The following CTNNA2 variants were observed in gnomAD, a reference collection of about 807,000 sequenced individuals.
The protein encoded by CTNNA2 is catenin alpha 2.
In CTNNA2, 42 loss-of-function variants were observed where a neutral mutation model predicts 101.0. The observed-to-expected ratio is 0.42, with a 90% CI of 0.32 to 0.54. The LOEUF (loss-of-function observed/expected upper bound fraction) is 0.54, where lower values mean the gene tolerates loss of function less well. Ranked by LOEUF, CTNNA2 falls within the 20% of genes least tolerant of loss-of-function variation. CTNNA2 has a pLI of 0.14. For synonymous variants in CTNNA2, 450 were observed against 456.4 expected (o/e 0.99, Z 0.18); for missense variants, 871 against 1,223.1 (o/e 0.71, Z 4.29).
rs563202631 is a variant in CTNNA2 at position 79,749,465 on chromosome 2, C to T, written c.298+4883C>T. ...TCTAGTTTGGTGTGTGTGTTTCTCC[C>T]TTCCTATCTGTTCACTTATGACTAA... On this transcript the variant is annotated intron_variant, in intron 3 of 18. Transcript: ENST00000402739. 4.6e-5 allele frequency among the ~76,000 whole-genome samples: 7 copies of T among 152,198 alleles called. No individual in the cohort carries two copies. The East Asian group carries it at 1.4e-3, about 29-fold the overall frequency.
chr2:80,165,319 G>T (rs1704607951), intron 7 of CTNNA2, among the ~76,000 whole-genome samples: 1 of 147,832 alleles, frequency 6.8e-6, no homozygotes, highest in Admixed American at 6.8e-5. Context: ...TAATTTTCCA[G>T]TTCACCAATT....
At chr2:79,532,635 G>A (rs1408053693) in intron 1 of CTNNA2, among the ~76,000 whole-genome samples, 3 of 151,748 alleles carry the variant, frequency 2.0e-5, no homozygotes, top group Non-Finnish European at 4.4e-5. Context: ...GACATATTTT[G>A]GAACATCCAA....
chr2:80,012,611 T>C (rs1693868896), intron 7 of CTNNA2, among the ~76,000 whole-genome samples: 1 of 152,224 alleles, frequency 6.6e-6, no homozygotes, highest in African/African-American at 2.4e-5. Context: ...ATAGATAATA[T>C]GCAAATGAAT....
intron 4 of CTNNA2, among the ~76,000 whole-genome samples, chr2:79,399,456 A>G (rs1573147220): frequency 6.6e-6 from 1 of 152,246 alleles, no homozygotes; most frequent in Non-Finnish European, 1.5e-5. Context: ...AATGTACCCA[A>G]CACATATTGG....
At chr2:79,945,192 A>G (rs1424830739) in intron 7 of CTNNA2, among the ~76,000 whole-genome samples, 2 of 151,936 alleles carry the variant, frequency 1.3e-5, no homozygotes, top group African/African-American at 4.8e-5. Context: ...ACAGGCATGC[A>G]CCACCACACC....
chr2:79,899,889 G>A (rs1236429706), intron 6 of CTNNA2, among the ~76,000 whole-genome samples: 1 of 152,094 alleles, frequency 6.6e-6, no homozygotes, highest in Admixed American at 6.5e-5. Context: ...ATTACGTCAA[G>A]AGAAACTTTT....
At chr2:80,146,766 C>T (rs1379762639) in intron 7 of CTNNA2, among the ~76,000 whole-genome samples, 1 of 116,982 alleles carries the variant, frequency 8.5e-6, no homozygotes, top group Non-Finnish European at 1.7e-5. Context: ...CCTCTGTCAC[C>T]CAGGCTGGAC....
chr2:80,335,881 C>A (rs888497781), intron 7 of CTNNA2, among the ~76,000 whole-genome samples: 2 of 152,006 alleles, frequency 1.3e-5, no homozygotes, highest in Admixed American at 6.6e-5. Context: ...CTGGGGAAAC[C>A]AAGACCCAGA....
At chr2:79,396,160 G>A (rs1201702266) in intron 4 of CTNNA2, among the ~76,000 whole-genome samples, 1 of 151,812 alleles carries the variant, frequency 6.6e-6, no homozygotes, top group African/African-American at 2.4e-5. Flanking sequence ...ATATATAATT[G>A]AATTTTTCTT....
intron 3 of CTNNA2, among the ~76,000 whole-genome samples, chr2:79,785,125 A>G (rs956383320): frequency 2.0e-5 from 3 of 152,116 alleles, no homozygotes; most frequent in Admixed American, 6.6e-5. Context: ...TTCTGCCACC[A>G]TGCTCTCCTC....
At chr2:80,123,950 AC>A (rs1701984847) in intron 7 of CTNNA2, among the ~76,000 whole-genome samples, 1 of 152,140 alleles carries the variant, frequency 6.6e-6, no homozygotes, top group South Asian at 2.1e-4. Flanking sequence ...TTGGGCCCTG[AC>A]CAAGCCCCCA....
At chr2:79,466,924 G>C (rs897006826) in intron 4 of CTNNA2, among the ~76,000 whole-genome samples, 1 of 152,074 alleles carries the variant, frequency 6.6e-6, no homozygotes, top group Admixed American at 6.6e-5. Context: ...ACAAAGATGG[G>C]GAAAAAACAG....
intron 7 of CTNNA2, among the ~76,000 whole-genome samples, chr2:80,139,483 A>C (rs1702879205): frequency 6.6e-6 from 1 of 152,110 alleles, no homozygotes; most frequent in Admixed American, 6.6e-5. Context: ...TTTACTGCTT[A>C]GGATCTGTCT....
intron 2 of CTNNA2, among the ~76,000 whole-genome samples, chr2:79,253,641 CAG>C (rs34333284): frequency 0.15 from 23,039 of 152,152 alleles, 1,873 homozygotes; most frequent in African/African-American, 0.2. Flanking sequence ...TGGAGGGAAA[CAG>C]AGGGACAGCA....
At chr2:79,575,716 A>G (rs1283740467) in intron 1 of CTNNA2, 3 of 152,218 alleles carry the variant, frequency 2.0e-5, no homozygotes, top group African/African-American at 7.2e-5. Context: ...AAGTGCATGC[A>G]AAGTGTAGAC....
intron 3 of CTNNA2, among the ~76,000 whole-genome samples, chr2:79,330,537 C>T (rs1043661381): frequency 3.9e-5 from 6 of 152,086 alleles, no homozygotes; most frequent in African/African-American, 1.2e-4. Flanking sequence ...AAAAAGCCAC[C>T]CCTGGCTGGG....
chr2:79,597,246 CA>C (rs1677254074), intron 1 of CTNNA2, among the ~76,000 whole-genome samples: 2 of 151,966 alleles, frequency 1.3e-5, no homozygotes, highest in Non-Finnish European at 2.9e-5. Flanking sequence ...GCCCAGGCGG[CA>C]TGATCACAAG....
intron 2 of CTNNA2, among the ~76,000 whole-genome samples, chr2:79,236,601 C>A (rs936427116): frequency 3.3e-5 from 5 of 152,230 alleles, no homozygotes; most frequent in Admixed American, 6.5e-5. Context: ...GCCTTTCACT[C>A]ACTATAGAAC....
At chr2:79,409,160 T>G (rs1285473945) in intron 4 of CTNNA2, among the ~76,000 whole-genome samples, 2 of 152,214 alleles carry the variant, frequency 1.3e-5, no homozygotes, top group Admixed American at 6.5e-5. Flanking sequence ...GTTTCTTTCT[T>G]GTAAATTTGT....
Sources: gnomAD v4.1 joint callset for allele counts (sites outside exome capture counted in the v4.1 genomes callset) on GRCh38, gnomAD v4.1.1 for gene constraint, MANE v1.5 for transcripts, NCBI Gene and HGNC (gene_info 2026-07-23, HGNC 2026-07-21) for gene names.